SLC45A1: variants seen among roughly 807,000 people sequenced by gnomAD.
The protein encoded by SLC45A1 is solute carrier family 45 member 1.
A neutral mutation model predicts 57.6 loss-of-function variants in SLC45A1; 28 were observed. The ratio of observed to expected loss-of-function variants is 0.49; its 90% CI spans 0.36 to 0.67. The LOEUF (loss-of-function observed/expected upper bound fraction) is 0.67. Among genes scored for constraint, SLC45A1 ranks in the 30% least tolerant of loss-of-function variants. The pLI is 0.00. For missense variants in SLC45A1, 814 were observed against 1,041.5 expected, an observed-to-expected ratio of 0.78 and a Z score of 3.01; for synonymous variants, 459 against 471.5, an observed-to-expected ratio of 0.97 and a Z score of 0.34.
intron 1 of SLC45A1, among the ~76,000 whole-genome samples, chr1:8,323,118 G>C (rs951945134): frequency 1.3e-5 from 2 of 152,168 alleles, no homozygotes; most frequent in Non-Finnish European, 2.9e-5. Flanking sequence ...GCGCGGGAGG[G>C]GAGTGGAAGG....
At chr1:8,318,992 C>T (rs1216264665) in intron 1 of SLC45A1, among the ~76,000 whole-genome samples, 2 of 152,176 alleles carry the variant, frequency 1.3e-5, no homozygotes, top group African/African-American at 4.8e-5. Flanking sequence ...TAGAAAGAAG[C>T]ATGAGGGGTC....
chr1:8,335,616 T>G lies in SLC45A1; in HGVS notation c.1597+26T>G. 3 of 1,581,748 alleles carry G rather than the reference T, an allele frequency of 1.9e-6. No homozygotes were observed. Among genetic ancestry groups the G allele is most frequent in the South Asian group, 1.1e-5 (1 of 87,014 alleles). On this transcript the variant is annotated intron_variant, in intron 6 of 8. Transcript: ENST00000471889. The surrounding 1 kb of genome is among the most constrained non-coding windows in gnomAD (Gnocchi z 4.1). ...GTGAGCTCCCGGCCAAGCCTCCCCGTGAGTCCTGGTCCTGCTCAGGGCTCT... is the reference window on the plus strand; with the variant it reads ...GTGAGCTCCCGGCCAAGCCTCCCCGGGAGTCCTGGTCCTGCTCAGGGCTCT...
At chr1:8,333,795 G>A (rs1640501857) in intron 5 of SLC45A1, among the ~76,000 whole-genome samples, 1 of 152,206 alleles carries the variant, frequency 6.6e-6, no homozygotes, top group Admixed American at 6.5e-5. Flanking sequence ...TGGTGTGTGT[G>A]GCCGGGGTGT....
In SLC45A1 at chr1:8,325,256, C is replaced by G; in HGVS notation, c.398-42C>G. On this transcript the variant is annotated intron_variant, in intron 2 of 8. Transcript: ENST00000471889. This position sits in a 1 kb window ranked among gnomAD's most constrained non-coding sequence, Gnocchi z 6.3. ...AGGCTGATTCGATGTCCCCATGTGC[C>G]ATGGGGACCCTGGCAATGACCGCTG... 1 of 1,367,068 alleles carries G rather than the reference C, an allele frequency of 7.3e-7. No individual in the cohort carries two copies. The highest frequency in any genetic ancestry group is 1.2e-5 in the South Asian group (1 of 85,796). The allele number at this position is 1,367,068 out of a possible 1,614,324, so 84.7% of individuals were successfully genotyped here. A position where few individuals can be genotyped will look rare whatever the true frequency, so the allele number is the denominator to read the frequency against.
chr1:8,320,448 G>A (rs1201285020), intron 1 of SLC45A1, among the ~76,000 whole-genome samples: 1 of 152,172 alleles, frequency 6.6e-6, no homozygotes, highest in African/African-American at 2.4e-5. Context: ...TTTGAGGCCA[G>A]CCTGGGCAAC....
chr1:8,330,675 C>A lies in SLC45A1; in HGVS notation c.1182C>A (p.Ser394Arg), dbSNP rs759183998. Residue 394 changes from serine (S) to arginine (R), a missense_variant, in exon 5 of 9, where the codon AGC becomes AGA. Ser to Arg is a moderately radical substitution (Grantham distance 110). Coordinates refer to ENST00000471889, the MANE Select transcript of SLC45A1 (RefSeq NM_001080397.3). This position sits in a 1 kb window ranked among gnomAD's most constrained non-coding sequence, Gnocchi z 8.4. ...ACAGCTACCTGGCCATCCCTGGCAG[C>A]GTCCCCAGGCCGCCCATCAGCGTCA... ...GHDSYLAIPGSVPRPPISVSF... is the reference protein window; with the variant it reads ...GHDSYLAIPGRVPRPPISVSF... 2 of 1,613,136 alleles carry A rather than the reference C, an allele frequency of 1.2e-6. No individual in the cohort carries two copies. The highest frequency in any genetic ancestry group is 1.7e-5 in the Admixed American group (1 of 60,000).
intron 8 of SLC45A1, among the ~76,000 whole-genome samples, chr1:8,340,298 G>A (rs986847104): frequency 6.6e-6 from 1 of 151,908 alleles, no homozygotes; most frequent in African/African-American, 2.4e-5. Flanking sequence ...GAGTAACTGG[G>A]ACTACAGGCA....
At chr1:8,339,784 C>T in intron 8 of SLC45A1, 86 bp downstream of exon 8, 3 of 1,248,706 alleles carry the variant, frequency 2.4e-6, no homozygotes. Flanking sequence ...GCTGCACAAT[C>T]TGCAGAGCCC....
intron 7 of SLC45A1, among the ~76,000 whole-genome samples, 199 bp downstream of exon 7, chr1:8,338,191 C>T (rs79281147): frequency 0.012 from 1,811 of 152,360 alleles, 49 homozygotes; most frequent in African/African-American, 0.042. Context: ...AGCCTCAGGC[C>T]TCCCAGAGCT....
Position 8,330,017 on chromosome 1 carries a change from AGGAGG to A in SLC45A1, c.716-189_716-185del. 1 of 658,300 alleles carries A rather than the reference AGGAGG, an allele frequency of 1.5e-6. No individual in the cohort carries two copies. Among genetic ancestry groups the A allele is most frequent in the Non-Finnish European group, 2.6e-6 (1 of 389,176 alleles). 40.8% of individuals were successfully genotyped at this position (658,300 alleles called of 1,614,324 possible). On this transcript the variant is annotated intron_variant, in intron 4 of 8. Transcript: ENST00000471889. The surrounding 1 kb of genome is among the most constrained non-coding windows in gnomAD (Gnocchi z 8.4). ...GGCCCTGCAGGTGGCTGTGCAGGAC[AGGAGG>A]GGGACCTCCTCAAGGGGCCCGCCCT...
chr1:8,330,134 T>C lies in SLC45A1; in HGVS notation c.716-75T>C. On this transcript the variant is annotated intron_variant, in intron 4 of 8. Coordinates refer to ENST00000471889, the MANE Select transcript of SLC45A1 (RefSeq NM_001080397.3). The surrounding 1 kb of genome is among the most constrained non-coding windows in gnomAD (Gnocchi z 8.4). Reference sequence around the variant, plus strand: ...AATGGCCTTGGCTACCTTCATGTCCTTCTAAGAACGGGGCCACCGCGTTTG... The same window carrying C: ...AATGGCCTTGGCTACCTTCATGTCCCTCTAAGAACGGGGCCACCGCGTTTG... 6.5e-7 allele frequency: 1 copy of C among 1,545,814 alleles called. No homozygotes were observed. The highest frequency in any genetic ancestry group is 1.2e-5 in the South Asian group (1 of 81,568).
chr1:8,335,500 G>T lies in SLC45A1; in HGVS notation c.1507G>T (p.Ala503Ser), dbSNP rs7535752. The T allele has an allele frequency of 0.18, 284,058 of 1,603,016 alleles. 27,380 individuals are homozygous for T. The highest frequency in any genetic ancestry group is 0.29 in the Middle Eastern group (1,761 of 6,052). The change falls in exon 6 of 9, where the codon GCG becomes TCG. Residue 503 changes from alanine (A) to serine (S), a missense_variant. Coordinates refer to ENST00000471889, the MANE Select transcript of SLC45A1 (RefSeq NM_001080397.3). The surrounding 1 kb of genome is among the most constrained non-coding windows in gnomAD (Gnocchi z 4.1). ...CGAGCTGACGGGCTCCAGCGAGCGC[G>T]CGGAGCAGCCTCTGTCCGTGGGGCG... ...ESELTGSSERAEQPLSVGRLC... is the reference protein window; with the variant it reads ...ESELTGSSERSEQPLSVGRLC...
In SLC45A1 at chr1:8,325,023, A is replaced by G. The variant is rs1640154067; in HGVS notation, c.398-275A>G. On this transcript the variant is annotated intron_variant, in intron 2 of 8. Coordinates refer to ENST00000471889, the MANE Select transcript of SLC45A1 (RefSeq NM_001080397.3). The surrounding 1 kb of genome is among the most constrained non-coding windows in gnomAD (Gnocchi z 6.3). ...ACGCTTGGTGTCATGTGAGCCTGGAAGGTCCTGAAATTTCTTGGATTCCCA... is the reference window on the plus strand; with the variant it reads ...ACGCTTGGTGTCATGTGAGCCTGGAGGGTCCTGAAATTTCTTGGATTCCCA... 6.6e-6 allele frequency among the ~76,000 whole-genome samples: 1 copy of G among 152,158 alleles called. No homozygotes were observed. The highest frequency in any genetic ancestry group is 2.4e-5 in the African/African-American group (1 of 41,444).
At chr1:8,339,412 G>A in intron 7 of SLC45A1, 81 bp from the exon 8 acceptor site, 1 of 1,420,176 alleles carries the variant, frequency 7.0e-7, no homozygotes, top group Non-Finnish European at 9.9e-7. Context: ...CTTCAGGTCA[G>A]CCGCCGGGAG....
chr1:8,343,855 C>T lies in SLC45A1; in HGVS notation c.2089C>T (p.Pro697Ser). ...GATTCTGGTCTCCCTGGTCCTGGGG[C>T]CCCTGACCTCGGCCGTGGGCAGTGC... Reference protein sequence around the residue: ...AQILVSLVLGPLTSAVGSANG... With the variant: ...AQILVSLVLGSLTSAVGSANG... Residue 697 changes from proline (P) to serine (S), a missense_variant, in exon 9 of 9, where the codon CCC (proline) becomes TCC (serine). Pro to Ser is a moderately conservative substitution (Grantham distance 74, BLOSUM62 -1). Coordinates refer to ENST00000471889, the MANE Select transcript of SLC45A1 (RefSeq NM_001080397.3). This position sits in a 1 kb window ranked among gnomAD's most constrained non-coding sequence, Gnocchi z 7.7. The T allele has an allele frequency of 2.5e-6, 4 of 1,614,198 alleles. No individual in the cohort carries two copies. Among genetic ancestry groups the T allele is most frequent in the East Asian group, 2.2e-5 (1 of 44,878 alleles).
At chr1:8,341,665 G>T (rs190600580) in intron 8 of SLC45A1, among the ~76,000 whole-genome samples, 1 of 151,882 alleles carries the variant, frequency 6.6e-6, no homozygotes, top group East Asian at 1.9e-4. Context: ...GCTCACGCCC[G>T]TAATCCCAGC....
In SLC45A1 at chr1:8,327,077, C is replaced by T. The variant is rs141091829; in HGVS notation, c.715+1035C>T. Among the ~76,000 whole-genome samples, 660 of 152,330 alleles carry T rather than the reference C, an allele frequency of 4.3e-3. 10 individuals carry two copies. The South Asian group carries it at 0.05, about 12-fold the overall frequency. On this transcript the variant is annotated intron_variant, in intron 4 of 8. Transcript: ENST00000471889. The surrounding 1 kb of genome is among the most constrained non-coding windows in gnomAD (Gnocchi z 4.3). The stretch of plus-strand genomic sequence containing the variant: ...GCCCTGCGGGGCCTCAGCTGGATCA[C>T]GCACCCTTGGAAGCACAGGCGTTGT...
At position 8,327,757 on chromosome 1, in the gene SLC45A1, G is replaced by A. The variant is rs951977054; in HGVS notation, c.715+1715G>A. On this transcript the variant is annotated intron_variant, in intron 4 of 8. Transcript: ENST00000471889. This position sits in a 1 kb window ranked among gnomAD's most constrained non-coding sequence, Gnocchi z 4.3. The stretch of plus-strand genomic sequence containing the variant: ...TTTAAAATAGCAACTGGGGCTGGGC[G>A]TGGTGGCTCATGCCTGTAACCCCAG... 2.0e-5 allele frequency among the ~76,000 whole-genome samples: 3 copies of A among 152,206 alleles called. No individual in the cohort carries two copies. The highest frequency in any genetic ancestry group is 2.9e-5 in the Non-Finnish European group (2 of 68,038).
chr1:8,322,019 ATGGATGGATGGGTGAGTGGGTGGGTGGG>A (rs1640026906), intron 1 of SLC45A1, among the ~76,000 whole-genome samples: 1 of 36,018 alleles, frequency 2.8e-5, no homozygotes, highest in Non-Finnish European at 5.1e-5. Flanking sequence ...GGATGGATGG[ATGGATGGATGGGTGAGTGGGTGGGTGGG>A]TGGATGGATG....
Sources: gnomAD v4.1 joint callset for allele counts (sites outside exome capture counted in the v4.1 genomes callset) on GRCh38, gnomAD v4.1.1 for gene constraint, Gnocchi (gnomAD v3.1) non-coding constraint, MANE v1.5 for transcripts, NCBI Gene and HGNC (gene_info 2026-07-23, HGNC 2026-07-21) for gene names.